Variants in OSBPL8 observed in about 807,000 individuals in gnomAD.
OSBPL8 encodes the protein oxysterol binding protein like 8.
Under a neutral mutation model 125.5 loss-of-function variants are expected in OSBPL8, and 59 were observed. That is an observed-to-expected ratio of 0.47 (90% CI 0.38 to 0.58). The LOEUF (loss-of-function observed/expected upper bound fraction) is 0.58, where lower values mean the gene tolerates loss of function less well. Among genes scored for constraint, OSBPL8 ranks in the 20% least tolerant of loss-of-function variants. The probability of loss-of-function intolerance (pLI) is 0.00; values close to 1 mark genes in which losing one functional copy is unlikely to be tolerated. For missense variants in OSBPL8, 758 were observed against 1,047.8 expected (o/e 0.72, Z 3.82); for synonymous variants, 330 against 338.9 (o/e 0.97, Z 0.29).
chr12:76,377,711 A>C (rs1304126913), intron 16 of OSBPL8, among the ~76,000 whole-genome samples: 1 of 152,198 alleles, frequency 6.6e-6, no homozygotes, highest in Non-Finnish European at 1.5e-5. Flanking sequence ...AAGGGAGGAT[A>C]CACATCATGA....
At chr12:76,423,595 G>A (rs191273426) in intron 4 of OSBPL8, among the ~76,000 whole-genome samples, 1 of 152,164 alleles carries the variant, frequency 6.6e-6, no homozygotes, top group Admixed American at 6.5e-5. Context: ...GACCAGTATT[G>A]ACTCCACGTC....
intron 4 of OSBPL8, among the ~76,000 whole-genome samples, chr12:76,412,594 C>A (rs918682234): frequency 6.6e-6 from 1 of 151,974 alleles, no homozygotes; most frequent in African/African-American, 2.4e-5. Context: ...CTAATTAACA[C>A]AATAATATTA....
intron 21 of OSBPL8, among the ~76,000 whole-genome samples, chr12:76,368,338 C>A (rs1262825834): frequency 6.6e-6 from 1 of 152,158 alleles, no homozygotes; most frequent in African/African-American, 2.4e-5. Flanking sequence ...GATTTTAAGA[C>A]TCTCTTTGGC....
At chr12:76,429,648 T>C (rs2136561718) in intron 4 of OSBPL8, among the ~76,000 whole-genome samples, 1 of 152,302 alleles carries the variant, frequency 6.6e-6, no homozygotes, top group Non-Finnish European at 1.5e-5. Flanking sequence ...TTTTTGTGTA[T>C]GTTCTCAATA....
chr12:76,479,143 G>A (rs930703318), intron 2 of OSBPL8, among the ~76,000 whole-genome samples: 1 of 152,146 alleles, frequency 6.6e-6, no homozygotes, highest in Admixed American at 6.5e-5. Flanking sequence ...AAGCTATAAA[G>A]TGGCAAAAGA....
At chr12:76,376,109 C>T (rs1202056605) in intron 16 of OSBPL8, among the ~76,000 whole-genome samples, 1 of 152,190 alleles carries the variant, frequency 6.6e-6, no homozygotes, top group African/African-American at 2.4e-5. Flanking sequence ...TCATACTCCC[C>T]CAGGAGCAAT....
chr12:76,371,390 G>A (rs1243939646), intron 19 of OSBPL8, 58 bp downstream of exon 19: 20 of 1,476,618 alleles, frequency 1.4e-5, no homozygotes, highest in Admixed American at 8.8e-5. Flanking sequence ...ATATCATTAA[G>A]GAATTGAAAA....
intron 1 of OSBPL8, among the ~76,000 whole-genome samples, chr12:76,511,729 T>C (rs966962336): frequency 2.0e-5 from 3 of 152,242 alleles, no homozygotes; most frequent in African/African-American, 7.2e-5. Context: ...TTAAGCTTAA[T>C]TAGATCCCAC....
intron 1 of OSBPL8, among the ~76,000 whole-genome samples, chr12:76,553,172 C>G (rs2137519534): frequency 1.7e-5 from 2 of 120,114 alleles, no homozygotes; most frequent in Middle Eastern, 4.3e-3. Flanking sequence ...ATCTACCATA[C>G]TTCCATCCCA....
intron 13 of OSBPL8, 124 bp downstream of exon 13, chr12:76,386,455 T>C (rs2136273833): frequency 7.9e-7 from 1 of 1,269,288 alleles, no homozygotes; most frequent in East Asian, 2.5e-5. Flanking sequence ...ATCAGGTATT[T>C]TGCAATTTTG....
intron 1 of OSBPL8, among the ~76,000 whole-genome samples, chr12:76,497,244 G>A (rs866957647): frequency 2.1e-5 from 3 of 145,788 alleles, no homozygotes; most frequent in Non-Finnish European, 4.5e-5. Flanking sequence ...TTTTACTTTC[G>A]ACTTTGCAGA....
At chr12:76,364,826 C>A (rs1310350904) in intron 21 of OSBPL8, among the ~76,000 whole-genome samples, 7 of 152,024 alleles carry the variant, frequency 4.6e-5, no homozygotes. Context: ...ACTTCTTTTT[C>A]AAAATTGTTT....
rs557227582 is a variant in OSBPL8 at position 76,469,183 on chromosome 12, A to G, written c.43-9288T>C. 2.6e-5 allele frequency among the ~76,000 whole-genome samples: 4 copies of G among 152,144 alleles called. No individual in the cohort carries two copies. The South Asian group carries it at 8.3e-4, about 32-fold the overall frequency. ...CAACATGATTTCCCCATGTGATTCC[A>G]TTGACTTGATTTTTTAAAGAGCTCA... is the stretch of plus-strand genomic sequence containing the variant. On this transcript the variant is annotated intron_variant, in intron 2 of 23. Transcript: ENST00000261183.
chr12:76,480,540 C>A (rs1057082233), intron 2 of OSBPL8, among the ~76,000 whole-genome samples: 2 of 152,104 alleles, frequency 1.3e-5, no homozygotes, highest in Non-Finnish European at 2.9e-5. Flanking sequence ...AGTTAGCAAG[C>A]AGCTGTTGGG....
chr12:76,495,094 G>C (rs1016585558), intron 1 of OSBPL8, among the ~76,000 whole-genome samples: 2 of 152,110 alleles, frequency 1.3e-5, no homozygotes, highest in African/African-American at 4.8e-5. Context: ...ACTGTTGGCT[G>C]GTAAGACATC....
chr12:76,436,304 C>T (rs1871436895), intron 4 of OSBPL8, among the ~76,000 whole-genome samples: 1 of 152,100 alleles, frequency 6.6e-6, no homozygotes, highest in Admixed American at 6.5e-5. Context: ...CTTTTGGATC[C>T]ATGGTTGTAA....
intron 2 of OSBPL8, among the ~76,000 whole-genome samples, chr12:76,464,393 G>T (rs75413870): frequency 6.6e-6 from 1 of 151,952 alleles, no homozygotes; most frequent in Non-Finnish European, 1.5e-5. Context: ...TAAGTACATC[G>T]ATAAGATATA....
At chr12:76,487,416 T>C in intron 2 of OSBPL8, 94 bp downstream of exon 2, 1 of 934,868 alleles carries the variant, frequency 1.1e-6, no homozygotes, top group Non-Finnish European at 1.6e-6. Context: ...TTTAAAAGTT[T>C]GTTGTTAATA....
At chr12:76,369,435 C>A in intron 20 of OSBPL8, 134 bp from the exon 21 acceptor site, 1 of 1,400,406 alleles carries the variant, frequency 7.1e-7, no homozygotes, top group Non-Finnish European at 9.4e-7. Context: ...CATACCTAAT[C>A]TTCAGATCCT....
Sources: gnomAD v4.1 joint callset for allele counts (sites outside exome capture counted in the v4.1 genomes callset) on GRCh38, gnomAD v4.1.1 for gene constraint, MANE v1.5 for transcripts, NCBI Gene and HGNC (gene_info 2026-07-23, HGNC 2026-07-21) for gene names.